REEP1: variants seen among roughly 807,000 people sequenced by gnomAD.
REEP1 encodes receptor expression-enhancing protein 1.
In REEP1, 22 loss-of-function variants were observed where a neutral mutation model predicts 40.3. The ratio of observed to expected loss-of-function variants is 0.55; its 90% CI spans 0.39 to 0.78. The LOEUF (loss-of-function observed/expected upper bound fraction) is 0.78, where lower values mean the gene tolerates loss of function less well. Ranked by LOEUF, REEP1 falls within the 30% of genes least tolerant of loss-of-function variation. The probability of loss-of-function intolerance (pLI) is 0.00; values close to 1 mark genes in which losing one functional copy is unlikely to be tolerated. For missense variants in REEP1, 280 were observed against 361.1 expected (o/e 0.78, Z 1.82); for synonymous variants, 116 against 139.2 (o/e 0.83, Z 1.17).
chr2:86,288,770 T>C (rs1459978013), intron 1 of REEP1, among the ~76,000 whole-genome samples: 2 of 143,338 alleles, frequency 1.4e-5, no homozygotes, highest in South Asian at 2.4e-4. Flanking sequence ...GCCAAACTTA[T>C]ATAGTCAGAC....
chr2:86,277,371 C>A (rs1485909612), intron 2 of REEP1, among the ~76,000 whole-genome samples: 1 of 152,010 alleles, frequency 6.6e-6, no homozygotes, highest in Admixed American at 6.5e-5. Context: ...GCCTGGCCAA[C>A]ATGGTGAAAC....
chr2:86,237,775 G>C (rs1177343430), intron 5 of REEP1, among the ~76,000 whole-genome samples: 1 of 151,962 alleles, frequency 6.6e-6, no homozygotes, highest in East Asian at 1.9e-4. Context: ...CACCCACCTT[G>C]GTCTCCCAAA....
At chr2:86,249,844 A>G (rs751668953) in intron 5 of REEP1, among the ~76,000 whole-genome samples, 12 of 152,108 alleles carry the variant, frequency 7.9e-5, no homozygotes, top group Non-Finnish European at 1.3e-4. Context: ...TTATTTTTAG[A>G]AGAGAATATG....
intron 6 of REEP1, among the ~76,000 whole-genome samples, chr2:86,230,525 C>T (rs1396448782): frequency 6.6e-6 from 1 of 152,254 alleles, no homozygotes; most frequent in Admixed American, 6.5e-5. Flanking sequence ...ACCTGACCAT[C>T]CAGCTTTGGC....
At chr2:86,258,324 T>G (rs1676680186) in intron 3 of REEP1, among the ~76,000 whole-genome samples, 1 of 152,370 alleles carries the variant, frequency 6.6e-6, no homozygotes, top group African/African-American at 2.4e-5. Context: ...ATTAGAACAC[T>G]GTTATGCACA....
intron 5 of REEP1, among the ~76,000 whole-genome samples, chr2:86,235,399 A>G (rs922890315): frequency 3.9e-5 from 6 of 152,234 alleles, no homozygotes; most frequent in African/African-American, 1.4e-4. Flanking sequence ...CAATGAGATT[A>G]CATCCTTAAG....
At chr2:86,300,771 A>T (rs765409219) in intron 1 of REEP1, among the ~76,000 whole-genome samples, 3 of 152,174 alleles carry the variant, frequency 2.0e-5, no homozygotes, top group Non-Finnish European at 4.4e-5. Flanking sequence ...AAAACCAAAA[A>T]AGCTTAAAGA....
Position 86,254,736 on chromosome 2 carries a change from C to CAGGA in REEP1, c.257_260dup (p.Tyr88ProfsTer19). On this transcript the variant is annotated frameshift_variant, in exon 4 of 9. Transcript: ENST00000538924. LOFTEE classifies it high-confidence loss of function. The stretch of plus-strand genomic sequence containing the variant: ...GCGTGGGATGTACAAACTTCCTGTA[C>CAGGA]AGGAGGCTGGAGCCTTTTGTGTAGG... 1 of 1,614,004 alleles carries CAGGA rather than the reference C, an allele frequency of 6.2e-7. No individual in the cohort carries two copies. Among genetic ancestry groups the CAGGA allele is most frequent in the Non-Finnish European group, 8.5e-7 (1 of 1,179,844 alleles).
intron 1 of REEP1, among the ~76,000 whole-genome samples, chr2:86,283,918 G>A (rs1028033498): frequency 2.0e-5 from 3 of 152,132 alleles, no homozygotes; most frequent in Non-Finnish European, 4.4e-5. Flanking sequence ...ACCTTGGGGA[G>A]CAGCCCACCC....
chr2:86,281,072 C>G (rs894334188), intron 2 of REEP1, among the ~76,000 whole-genome samples: 3 of 152,136 alleles, frequency 2.0e-5, no homozygotes, highest in African/African-American at 7.2e-5. Flanking sequence ...TGACCAACCT[C>G]GGTCTTCTGA....
intron 3 of REEP1, among the ~76,000 whole-genome samples, chr2:86,260,656 A>C (rs1029539130): frequency 1.3e-5 from 2 of 152,212 alleles, no homozygotes; most frequent in Admixed American, 1.3e-4. Flanking sequence ...ATTGGCTTGA[A>C]GATGAAGGTG....
At chr2:86,305,801 A>G (rs756048469) in intron 1 of REEP1, among the ~76,000 whole-genome samples, 7 of 151,924 alleles carry the variant, frequency 4.6e-5, no homozygotes, top group Non-Finnish European at 1.0e-4. Flanking sequence ...TATTACTCTC[A>G]CAACTCCAGC....
At chr2:86,250,254 C>T (rs1243224930) in intron 5 of REEP1, among the ~76,000 whole-genome samples, 1 of 152,164 alleles carries the variant, frequency 6.6e-6, no homozygotes, top group Non-Finnish European at 1.5e-5. Context: ...CTGAACCACC[C>T]TGACAGATAT....
At chr2:86,230,268 C>T (rs923532389) in intron 6 of REEP1, among the ~76,000 whole-genome samples, 5 of 152,258 alleles carry the variant, frequency 3.3e-5, no homozygotes, top group Admixed American at 3.3e-4. Context: ...ACACTGCCAT[C>T]TCCCTGCAGA....
intron 1 of REEP1, among the ~76,000 whole-genome samples, chr2:86,311,809 C>T (rs907157375): frequency 3.9e-5 from 6 of 152,120 alleles, no homozygotes; most frequent in Admixed American, 1.3e-4. Context: ...ATCTGTCACC[C>T]CTATGTGCTG....
intron 3 of REEP1, among the ~76,000 whole-genome samples, chr2:86,256,347 CAAAA>C (rs35885517): frequency 2.0e-5 from 2 of 100,298 alleles, no homozygotes. Context: ...GATTCCATCT[CAAAA>C]AAAAAAAAAA....
At chr2:86,320,585 AAATATGTTT>A (rs1357715323) in intron 1 of REEP1, among the ~76,000 whole-genome samples, 2 of 152,254 alleles carry the variant, frequency 1.3e-5, no homozygotes, top group African/African-American at 4.8e-5. Context: ...AACATAACAT[AAATATGTTT>A]AATATGTTTA....
At chr2:86,230,836 C>T (rs756655859) in intron 6 of REEP1, among the ~76,000 whole-genome samples, 3 of 152,232 alleles carry the variant, frequency 2.0e-5, no homozygotes, top group Non-Finnish European at 2.9e-5. Flanking sequence ...CTACCCCCTT[C>T]GAACTTCACC....
chr2:86,317,072 C>T (rs1314823870), intron 1 of REEP1, among the ~76,000 whole-genome samples: 3 of 152,152 alleles, frequency 2.0e-5, no homozygotes, highest in Non-Finnish European at 4.4e-5. Context: ...TGCACCTCCT[C>T]ATCAATGTGG....
Sources: allele counts gnomAD v4.1 joint callset (sites outside exome capture counted in the v4.1 genomes callset), GRCh38; gene constraint gnomAD v4.1.1; transcripts MANE v1.5; gene names NCBI Gene and HGNC (gene_info 2026-07-23, HGNC 2026-07-21).